Variants in GNG12 observed in about 807,000 individuals in gnomAD.
GNG12 encodes guanine nucleotide-binding protein G(I)/G(S)/G(O) subunit gamma-12.
For missense variants in GNG12, 69 were observed against 83.8 expected (o/e 0.82, Z 0.69); for synonymous variants, 28 against 29.7 (o/e 0.94, Z 0.19).
chr1:67,773,792 G>A (rs558128649), intron 2 of GNG12, among the ~76,000 whole-genome samples: 2 of 152,264 alleles, frequency 1.3e-5, no homozygotes, highest in South Asian at 4.2e-4. Context: ...GCCCAATCTG[G>A]TCCACAACTA....
chr1:67,770,647 C>CG (rs1439026783), intron 2 of GNG12, among the ~76,000 whole-genome samples: 4 of 152,076 alleles, frequency 2.6e-5, no homozygotes, highest in Non-Finnish European at 4.4e-5. Flanking sequence ...ACCCAAATCC[C>CG]GGGGGGCCCA....
At chr1:67,802,564 T>C (rs1646872461) in intron 1 of GNG12, among the ~76,000 whole-genome samples, 1 of 152,168 alleles carries the variant, frequency 6.6e-6, no homozygotes. Context: ...TTTAAGGTCA[T>C]ATATTAAGAT....
At chr1:67,822,051 G>A (rs1191036627) in intron 1 of GNG12, among the ~76,000 whole-genome samples, 3 of 145,308 alleles carry the variant, frequency 2.1e-5, no homozygotes, top group East Asian at 2.1e-4. Flanking sequence ...ATACACTAAC[G>A]ATAGCTGATG....
At chr1:67,812,923 G>T (rs1646933931) in intron 1 of GNG12, among the ~76,000 whole-genome samples, 1 of 152,182 alleles carries the variant, frequency 6.6e-6, no homozygotes, top group Non-Finnish European at 1.5e-5. Flanking sequence ...ATAGTTGCTG[G>T]AATGGGCAGC....
At chr1:67,762,619 G>A (rs920694991) in intron 2 of GNG12, among the ~76,000 whole-genome samples, 10 of 152,114 alleles carry the variant, frequency 6.6e-5, no homozygotes, top group Non-Finnish European at 1.3e-4. Flanking sequence ...TGGGGTATGT[G>A]GTGGTAAAGA....
intron 1 of GNG12, among the ~76,000 whole-genome samples, chr1:67,794,315 C>T (rs759594372): frequency 1.1e-4 from 17 of 152,022 alleles, no homozygotes; most frequent in African/African-American, 2.7e-4. Context: ...GGGTCTTTGC[C>T]CTGCTCACTC....
At chr1:67,719,469 C>CT (rs571766480) in intron 2 of GNG12, among the ~76,000 whole-genome samples, 12 of 151,994 alleles carry the variant, frequency 7.9e-5, no homozygotes, top group African/African-American at 2.4e-4. Flanking sequence ...TTATGTTTTG[C>CT]TTTTTTTTGT....
At chr1:67,788,234 T>C (rs571765245) in intron 1 of GNG12, among the ~76,000 whole-genome samples, 3 of 152,370 alleles carry the variant, frequency 2.0e-5, no homozygotes, top group Middle Eastern at 6.8e-3. Flanking sequence ...AATTGCATAC[T>C]TCACAGCAAC....
At chr1:67,762,795 A>G (rs764027229) in intron 2 of GNG12, among the ~76,000 whole-genome samples, 9 of 152,172 alleles carry the variant, frequency 5.9e-5, no homozygotes, top group Non-Finnish European at 1.5e-5. Context: ...ACATGCTGTT[A>G]TATTTCCTTC....
At chr1:67,710,064 TTA>T (rs1411933750) in intron 2 of GNG12, among the ~76,000 whole-genome samples, 1 of 38,978 alleles carries the variant, frequency 2.6e-5, no homozygotes, top group Non-Finnish European at 4.7e-5. Context: ...ATATATATAG[TTA>T]TATATATAGT....
rs973615918 is a variant in GNG12 at position 67,827,300 on chromosome 1, T to A, written c.-77+6044A>T. On this transcript the variant is annotated intron_variant, in intron 1 of 3. Transcript: ENST00000370982. ...ACTCTCTGGGCCCAAAGTCACCCAC[T>A]TATTATACAATCAATGAAACTGAAA... 2.0e-5 allele frequency among the ~76,000 whole-genome samples: 3 copies of A among 152,236 alleles called. No individual in the cohort carries two copies. In the South Asian group the frequency reaches 6.2e-4, roughly 31 times the overall value.
At chr1:67,743,055 C>T (rs1646491203) in intron 2 of GNG12, among the ~76,000 whole-genome samples, 2 of 152,100 alleles carry the variant, frequency 1.3e-5, no homozygotes, top group Admixed American at 1.3e-4. Flanking sequence ...TACAAGCTAT[C>T]TACTTACTAA....
chr1:67,715,400 T>C (rs1433203532), intron 2 of GNG12, among the ~76,000 whole-genome samples: 1 of 152,218 alleles, frequency 6.6e-6, no homozygotes, highest in Non-Finnish European at 1.5e-5. Context: ...GTTTTCTTGA[T>C]GTTAGAGCTC....
chr1:67,758,182 C>T (rs922846540), intron 2 of GNG12, among the ~76,000 whole-genome samples: 3 of 152,138 alleles, frequency 2.0e-5, no homozygotes, highest in Non-Finnish European at 4.4e-5. Flanking sequence ...CCATGTTGGC[C>T]AGGCTGGTCT....
At chr1:67,813,536 G>C (rs1464433030) in intron 1 of GNG12, among the ~76,000 whole-genome samples, 1 of 152,188 alleles carries the variant, frequency 6.6e-6, no homozygotes, top group African/African-American at 2.4e-5. Flanking sequence ...CAGAGCTCCT[G>C]TCTTCCTTGA....
intron 2 of GNG12, among the ~76,000 whole-genome samples, chr1:67,746,266 A>G (rs928267578): frequency 6.6e-6 from 1 of 152,248 alleles, no homozygotes; most frequent in Non-Finnish European, 1.5e-5. Flanking sequence ...TGACTCTCCA[A>G]TAAACTACCT....
chr1:67,817,315 C>G (rs1244945021), intron 1 of GNG12, among the ~76,000 whole-genome samples: 1 of 152,210 alleles, frequency 6.6e-6, no homozygotes, highest in Non-Finnish European at 1.5e-5. Flanking sequence ...TATACAATCT[C>G]AAGTGAGCCT....
chr1:67,788,913 A>G (rs531705266), intron 1 of GNG12, among the ~76,000 whole-genome samples: 2 of 152,366 alleles, frequency 1.3e-5, no homozygotes, highest in East Asian at 3.9e-4. Flanking sequence ...TCTTTATAGA[A>G]TGAATGATGG....
chr1:67,777,657 A>AC (rs1326847608), intron 1 of GNG12, 150 bp from the exon 2 acceptor site: 1 of 152,956 alleles, frequency 6.5e-6, no homozygotes. Context: ...AAGAGGGAAC[A>AC]TTTTTTGCCA....
Sources: gnomAD v4.1 joint callset for allele counts (sites outside exome capture counted in the v4.1 genomes callset) on GRCh38, gnomAD v4.1.1 for gene constraint, MANE v1.5 for transcripts, NCBI Gene and HGNC (gene_info 2026-07-23, HGNC 2026-07-21) for gene names.